GTF2IRD1: variants seen among roughly 807,000 people sequenced by gnomAD.
GTF2IRD1 encodes the protein GTF2I repeat domain containing 1.
GTF2IRD1 carries 26 observed loss-of-function variants against 113.2 expected under a neutral mutation model. The ratio of observed to expected loss-of-function variants is 0.23; its 90% CI spans 0.17 to 0.32. GTF2IRD1 has a LOEUF of 0.32. Among genes scored for constraint, GTF2IRD1 ranks in the 10% least tolerant of loss-of-function variants. GTF2IRD1 has a pLI of 1.00. For missense variants in GTF2IRD1, 864 were observed against 1,280.8 expected, an observed-to-expected ratio of 0.67 and a Z score of 4.97; for synonymous variants, 484 against 529.1, an observed-to-expected ratio of 0.91 and a Z score of 1.17.
chr7:74,503,896 C>T (rs1460621018), intron 1 of GTF2IRD1, among the ~76,000 whole-genome samples: 1 of 152,120 alleles, frequency 6.6e-6, no homozygotes, highest in Non-Finnish European at 1.5e-5. Context: ...CGTTTTTCAG[C>T]CCCTCCTTTT....
At chr7:74,562,188 G>A (rs1294719658) in intron 22 of GTF2IRD1, among the ~76,000 whole-genome samples, 7 of 152,200 alleles carry the variant, frequency 4.6e-5, no homozygotes, top group Non-Finnish European at 1.0e-4. Context: ...GGCCAGCACC[G>A]GCAGTTCCAG....
At position 74,521,222 on chromosome 7, in the gene GTF2IRD1, G is replaced by T. The variant is rs782035876; in HGVS notation, c.931G>T (p.Gly311Trp). ...FSDCCGQKPT[G>W]PGGPLIQNVH... The stretch of plus-strand genomic sequence containing the variant: ...CCCTTGTCCAGGACAGAAGCCCACT[G>T]GGCCTGGTGGGCCTCTCATCCAGAA... The change falls in exon 7 of 27, where the codon GGG becomes TGG. Residue 311 changes from glycine (G) to tryptophan (W), a missense_variant. Gly to Trp is a radical substitution (Grantham distance 184). Transcript: ENST00000424337. The T allele has an allele frequency of 3.1e-6, 5 of 1,599,734 alleles. No homozygotes were observed. The highest frequency in any genetic ancestry group is 3.4e-6 in the Non-Finnish European group (4 of 1,167,356).
intron 1 of GTF2IRD1, among the ~76,000 whole-genome samples, chr7:74,460,281 A>AT (rs1793277751): frequency 7.1e-6 from 1 of 140,434 alleles, no homozygotes; most frequent in African/African-American, 2.7e-5. Flanking sequence ...ATTTTATTCT[A>AT]TTTTTTGAGA....
At chr7:74,569,479 G>C (rs7778564) in intron 22 of GTF2IRD1, among the ~76,000 whole-genome samples, 5,511 of 152,274 alleles carry the variant, frequency 0.036, 295 homozygotes, top group African/African-American at 0.12. Context: ...GTGAGGGGGG[G>C]ATGGAGAATA....
At chr7:74,492,011 GTT>G (rs1283588246) in intron 1 of GTF2IRD1, among the ~76,000 whole-genome samples, 1 of 151,878 alleles carries the variant, frequency 6.6e-6, no homozygotes, top group African/African-American at 2.4e-5. Flanking sequence ...TTTTGTTTTT[GTT>G]TTTGTTTTGA....
intron 1 of GTF2IRD1, among the ~76,000 whole-genome samples, chr7:74,457,427 G>C (rs1793060168): frequency 6.6e-6 from 1 of 152,166 alleles, no homozygotes; most frequent in Non-Finnish European, 1.5e-5. Context: ...TTGAATGAAT[G>C]AATGAATGAA....
intron 1 of GTF2IRD1, among the ~76,000 whole-genome samples, chr7:74,489,197 T>C (rs1228580492): frequency 6.6e-6 from 1 of 152,148 alleles, no homozygotes; most frequent in Non-Finnish European, 1.5e-5. Flanking sequence ...ATGGCAGATC[T>C]GGGGTCATAC....
intron 1 of GTF2IRD1, among the ~76,000 whole-genome samples, chr7:74,497,214 C>T (rs368001279): frequency 1.3e-5 from 2 of 152,074 alleles, no homozygotes; most frequent in East Asian, 1.9e-4. Flanking sequence ...TCAACAGTTC[C>T]ACCTCTGGGT....
At chr7:74,465,464 C>T (rs1269112637) in intron 1 of GTF2IRD1, among the ~76,000 whole-genome samples, 2 of 152,184 alleles carry the variant, frequency 1.3e-5, no homozygotes, top group East Asian at 3.9e-4. Context: ...TGCTGTGTGA[C>T]CACAGGCAAG....
At position 74,580,246 on chromosome 7, in the gene GTF2IRD1, G is replaced by T. The variant is rs181216203; in HGVS notation, c.2321-9605G>T. Reference sequence around the variant, plus strand: ...CAGCCGTGAACTCTGCCCGGGCCTGGCAGGGAGTTGGGGCTCTGTGAAGTG... The same window carrying T: ...CAGCCGTGAACTCTGCCCGGGCCTGTCAGGGAGTTGGGGCTCTGTGAAGTG... On this transcript the variant is annotated intron_variant, in intron 22 of 26. Coordinates refer to ENST00000424337, the MANE Select transcript of GTF2IRD1 (RefSeq NM_005685.4). Among the ~76,000 whole-genome samples the T allele has an allele frequency of 3.7e-4, 56 of 152,312 alleles. 1 individual carries two copies. The highest frequency in any genetic ancestry group is 3.5e-3 in the Admixed American group (53 of 15,294).
At chr7:74,571,862 A>T in intron 22 of GTF2IRD1, among the ~76,000 whole-genome samples, 1 of 149,880 alleles carries the variant, frequency 6.7e-6, no homozygotes, top group Admixed American at 6.7e-5. Flanking sequence ...CCTTGTCTCA[A>T]AAAAAAAAAA....
At chr7:74,455,107 A>C (rs1170633147) in intron 1 of GTF2IRD1, among the ~76,000 whole-genome samples, 1 of 151,878 alleles carries the variant, frequency 6.6e-6, no homozygotes, top group Non-Finnish European at 1.5e-5. Context: ...TAGTGACCCT[A>C]CCTCCCAGGA....
At position 74,555,020 on chromosome 7, in the gene GTF2IRD1, C is replaced by T. The variant is rs1799512005; in HGVS notation, c.1917-154C>T. Among the ~76,000 whole-genome samples, 1 of 152,126 alleles carries T rather than the reference C, an allele frequency of 6.6e-6. No homozygotes were observed. Among genetic ancestry groups the T allele is most frequent in the African/African-American group, 2.4e-5 (1 of 41,430 alleles). On this transcript the variant is annotated intron_variant, in intron 17 of 26. Transcript: ENST00000424337. This position sits in a 1 kb window ranked among gnomAD's most constrained non-coding sequence, Gnocchi z 5.3. ...CAAGCCCAGCGCAGCCCCCCAGATT[C>T]CACATGTGGGGCGGCAGGGACTCCA...
chr7:74,550,688 G>A (rs1349457935), intron 17 of GTF2IRD1, among the ~76,000 whole-genome samples: 6 of 151,936 alleles, frequency 3.9e-5, no homozygotes, highest in Non-Finnish European at 7.4e-5. Flanking sequence ...TAGGAGGATC[G>A]CTTGAGCCCA....
At position 74,497,059 on chromosome 7, in the gene GTF2IRD1, G is replaced by T. The variant is rs539300999; in HGVS notation, c.-6-11016G>T. 4.6e-5 allele frequency among the ~76,000 whole-genome samples: 7 copies of T among 152,230 alleles called. No individual in the cohort carries two copies. The South Asian group carries it at 1.5e-3, about 32-fold the overall frequency. On this transcript the variant is annotated intron_variant, in intron 1 of 26. Coordinates refer to ENST00000424337, the MANE Select transcript of GTF2IRD1 (RefSeq NM_005685.4). ...CACCTGTAGTCCCAGCTGCTTGGAAGGCTGAGGTGGGAAGATGGCTTGAAC... is the reference window on the plus strand; with the variant it reads ...CACCTGTAGTCCCAGCTGCTTGGAATGCTGAGGTGGGAAGATGGCTTGAAC...
chr7:74,528,983 ATG>A (rs1797800028), intron 8 of GTF2IRD1, among the ~76,000 whole-genome samples: 4 of 150,928 alleles, frequency 2.7e-5, no homozygotes, highest in African/African-American at 9.8e-5. Flanking sequence ...GGATGGATGG[ATG>A]GATAGACGGA....
intron 1 of GTF2IRD1, among the ~76,000 whole-genome samples, chr7:74,480,897 A>G (rs1794704258): frequency 6.6e-6 from 1 of 152,092 alleles, no homozygotes; most frequent in South Asian, 2.1e-4. Context: ...CTCCACGTGG[A>G]GGAAGGACGC....
At chr7:74,477,515 A>G (rs1794496500) in intron 1 of GTF2IRD1, among the ~76,000 whole-genome samples, 2 of 151,544 alleles carry the variant, frequency 1.3e-5, no homozygotes, top group South Asian at 4.2e-4. Context: ...GGGAGGGGGC[A>G]TGGGGATCCT....
chr7:74,535,244 G>C (rs782282125), intron 10 of GTF2IRD1, 106 bp downstream of exon 10: 20 of 846,284 alleles, frequency 2.4e-5, no homozygotes, highest in African/African-American at 3.3e-5. Flanking sequence ...CCTCCCCTCA[G>C]GCAGGGAGGG....
Sources: gnomAD v4.1 joint callset for allele counts (sites outside exome capture counted in the v4.1 genomes callset) on GRCh38, gnomAD v4.1.1 for gene constraint, Gnocchi (gnomAD v3.1) non-coding constraint, MANE v1.5 for transcripts, NCBI Gene and HGNC (gene_info 2026-07-23, HGNC 2026-07-21) for gene names.